The following STT3B variants were observed in gnomAD, a reference collection of about 807,000 sequenced individuals.
STT3B encodes dolichyl-diphosphooligosaccharide--protein glycosyltransferase subunit STT3B.
In STT3B, 29 loss-of-function variants were observed where a neutral mutation model predicts 96.8. The observed-to-expected ratio is 0.30, with a 90% confidence interval of 0.22 to 0.41. The LOEUF (loss-of-function observed/expected upper bound fraction) is 0.41. Ranked by LOEUF, STT3B falls within the 10% of genes least tolerant of loss-of-function variation. The probability of loss-of-function intolerance (pLI) is 1.00; values close to 1 mark genes in which losing one functional copy is unlikely to be tolerated. For missense variants in STT3B, 640 were observed against 1,022.3 expected, an observed-to-expected ratio of 0.63 and a Z score of 5.10; for synonymous variants, 367 against 360.0, an observed-to-expected ratio of 1.02 and a Z score of -0.22.
chr3:31,576,304 G>T, intron 1 of STT3B, 92 bp from the exon 2 acceptor site: 1 of 594,020 alleles, frequency 1.7e-6, no homozygotes, highest in Non-Finnish European at 2.8e-6. Flanking sequence ...CGCTCTGAAA[G>T]ATACATTTAT....
chr3:31,624,796 TTAA>T, intron 11 of STT3B, 115 bp from the exon 12 acceptor site: 8 of 734,284 alleles, frequency 1.1e-5, no homozygotes, highest in Non-Finnish European at 1.7e-5. Flanking sequence ...AGGCTTTTAC[TTAA>T]TAACTACCAT....
At chr3:31,551,590 T>C (rs1697562652) in intron 1 of STT3B, among the ~76,000 whole-genome samples, 1 of 152,234 alleles carries the variant, frequency 6.6e-6, no homozygotes, top group African/African-American at 2.4e-5. Flanking sequence ...AGTCGCTTTC[T>C]CATTTACCGT....
At chr3:31,551,361 G>A (rs898136697) in intron 1 of STT3B, among the ~76,000 whole-genome samples, 7 of 151,940 alleles carry the variant, frequency 4.6e-5, no homozygotes, top group East Asian at 1.9e-4. Flanking sequence ...CACTACATGC[G>A]CATGCCACCA....
chr3:31,557,350 T>C (rs1403823482), intron 1 of STT3B, among the ~76,000 whole-genome samples: 1 of 151,762 alleles, frequency 6.6e-6, no homozygotes, highest in East Asian at 1.9e-4. Flanking sequence ...TTGGCTATTC[T>C]CACTCTTCCT....
Position 31,618,053 on chromosome 3 carries a change from T to A in STT3B, c.1172+65T>A. On this transcript the variant is annotated intron_variant, in intron 8 of 15. Transcript: ENST00000295770. The stretch of plus-strand genomic sequence containing the variant: ...ATACTGCTTTTCCTTTGTTTTTATC[T>A]GTTTTGTCAGTGTTTCACTCAGTTC... The A allele has an allele frequency of 2.6e-6, 3 of 1,147,068 alleles. No homozygotes were observed. The Admixed American group carries it at 5.1e-5, about 20-fold the overall frequency. 71.1% of individuals were successfully genotyped at this position (1,147,068 alleles called of 1,614,324 possible).
intron 3 of STT3B, 96 bp from the exon 4 acceptor site, chr3:31,596,702 T>C (rs528752038): frequency 6.0e-5 from 55 of 910,326 alleles, no homozygotes; most frequent in Admixed American, 1.5e-4. Context: ...TAACCTTGAC[T>C]TTTTGTAGCC....
At chr3:31,611,439 T>C (rs1379357462) in intron 5 of STT3B, among the ~76,000 whole-genome samples, 1 of 152,184 alleles carries the variant, frequency 6.6e-6, no homozygotes, top group Non-Finnish European at 1.5e-5. Context: ...AAACATATAT[T>C]AGATGCTGTA....
At chr3:31,541,475 T>G (rs1697263680) in intron 1 of STT3B, among the ~76,000 whole-genome samples, 2 of 151,218 alleles carry the variant, frequency 1.3e-5, no homozygotes, top group South Asian at 4.2e-4. Context: ...TTTTTTTGTT[T>G]TTTTTTTTTT....
rs1697091126 is a variant in STT3B at position 31,536,203 on chromosome 3, TGGGCTTTTAAAGCTTTTCG to T, written c.314+2903_314+2921del. On this transcript the variant is annotated intron_variant, in intron 1 of 15. Transcript: ENST00000295770. ...TGTAGATTGCCTGCCATTATTACTTTGGGCTTTTAAAGCTTTTCGGGGCTTTTAAATCTAGTTTTCTTCT... is the reference window on the plus strand; with the variant it reads ...TGTAGATTGCCTGCCATTATTACTTTGGGCTTTTAAATCTAGTTTTCTTCT... Among the ~76,000 whole-genome samples, 3 of 149,794 alleles carry T rather than the reference TGGGCTTTTAAAGCTTTTCG, an allele frequency of 2.0e-5. No homozygotes were observed. In the South Asian group the frequency reaches 6.4e-4, roughly 32 times the overall value.
In STT3B at chr3:31,624,910, T is replaced by C; in HGVS notation, c.1728-4T>C. 1 of 1,609,128 alleles carries C rather than the reference T, an allele frequency of 6.2e-7. No individual in the cohort carries two copies. The highest frequency in any genetic ancestry group is 1.1e-5 in the South Asian group (1 of 90,486). On this transcript the variant is annotated splice_region_variant and splice_polypyrimidine_tract_variant and intron_variant, in intron 11 of 15. Transcript: ENST00000295770. ...ATTTAAAAGAGTATTGTGATTCTTT[T>C]CAGCACCAGGAATATCTTAGATGAT...
At chr3:31,608,063 G>A (rs1361249499) in intron 5 of STT3B, among the ~76,000 whole-genome samples, 1 of 152,138 alleles carries the variant, frequency 6.6e-6, no homozygotes, top group Non-Finnish European at 1.5e-5. Context: ...GTTTGTGGCA[G>A]ATAAAGTTTT....
intron 2 of STT3B, 36 bp downstream of exon 2, chr3:31,576,540 C>A (rs1428957564): frequency 8.2e-7 from 1 of 1,220,352 alleles, no homozygotes; most frequent in Non-Finnish European, 1.2e-6. Flanking sequence ...TTAATTATAA[C>A]ATTTATTGTT....
chr3:31,544,717 A>T (rs566827985), intron 1 of STT3B, among the ~76,000 whole-genome samples: 1 of 152,330 alleles, frequency 6.6e-6, no homozygotes, highest in South Asian at 2.1e-4. Context: ...TAATCCCAGC[A>T]CTTGGGAGGC....
chr3:31,543,981 A>G (rs1217149646), intron 1 of STT3B, among the ~76,000 whole-genome samples: 2 of 152,226 alleles, frequency 1.3e-5, no homozygotes, highest in East Asian at 3.8e-4. Context: ...AAAAAGACAG[A>G]TGACAGCAAT....
intron 5 of STT3B, 25 bp from the exon 6 acceptor site, chr3:31,615,080 C>T (rs776583437): frequency 1.1e-4 from 155 of 1,444,378 alleles, no homozygotes; most frequent in Non-Finnish European, 1.3e-4. Flanking sequence ...GTAAATTATC[C>T]TTGTTTCCTA....
intron 13 of STT3B, among the ~76,000 whole-genome samples, chr3:31,626,991 T>A (rs545616532): frequency 3.8e-4 from 58 of 152,158 alleles, no homozygotes; most frequent in Non-Finnish European, 7.9e-4. Context: ...ACCTGACACG[T>A]GTGTTTTTAC....
intron 9 of STT3B, among the ~76,000 whole-genome samples, chr3:31,620,998 G>A (rs1307411908): frequency 6.6e-6 from 1 of 152,192 alleles, no homozygotes. Context: ...CCATTCCTAT[G>A]TATATATCTA....
chr3:31,607,646 T>TC (rs1699083069), intron 5 of STT3B, among the ~76,000 whole-genome samples: 1 of 152,192 alleles, frequency 6.6e-6, no homozygotes, highest in Non-Finnish European at 1.5e-5. Flanking sequence ...AACAGACTGA[T>TC]CCAAGTGTTA....
At chr3:31,592,846 A>C (rs771637840) in intron 3 of STT3B, among the ~76,000 whole-genome samples, 11 of 152,174 alleles carry the variant, frequency 7.2e-5, no homozygotes, top group Non-Finnish European at 1.5e-4. Flanking sequence ...AAGTGGGGAA[A>C]AGCAGAAAAA....
Sources: gnomAD v4.1 joint callset for allele counts (sites outside exome capture counted in the v4.1 genomes callset) on GRCh38, gnomAD v4.1.1 for gene constraint, MANE v1.5 for transcripts, NCBI Gene and HGNC (gene_info 2026-07-23, HGNC 2026-07-21) for gene names.